Variants in LRRC4C observed in about 807,000 individuals in gnomAD.
LRRC4C encodes the protein leucine-rich repeat-containing protein 4C.
LRRC4C carries 5 observed loss-of-function variants against 33.6 expected under a neutral mutation model. The ratio of observed to expected loss-of-function variants is 0.15; its 90% CI spans 0.08 to 0.31. The LOEUF is 0.31. Ranked by LOEUF, LRRC4C falls within the 10% of genes least tolerant of loss-of-function variation. The pLI is 1.00. For synonymous variants in LRRC4C, 329 were observed against 302.0 expected, an observed-to-expected ratio of 1.09 and a Z score of -0.93; for missense variants, 560 against 796.7, an observed-to-expected ratio of 0.70 and a Z score of 3.58.
At chr11:41,217,611 T>G (rs1348650422) in intron 1 of LRRC4C, among the ~76,000 whole-genome samples, 1 of 152,160 alleles carries the variant, frequency 6.6e-6, no homozygotes, top group African/African-American at 2.4e-5. Context: ...GTACTATGAC[T>G]TAGCTATAAG....
intron 5 of LRRC4C, among the ~76,000 whole-genome samples, chr11:40,178,761 C>T (rs540624284): frequency 2.0e-5 from 3 of 152,262 alleles, no homozygotes; most frequent in Admixed American, 6.5e-5. Context: ...CTGGTTTCCT[C>T]GCTGTGGGGT....
intron 3 of LRRC4C, among the ~76,000 whole-genome samples, chr11:40,427,091 G>T (rs1310172337): frequency 6.6e-6 from 1 of 152,176 alleles, no homozygotes; most frequent in Non-Finnish European, 1.5e-5. Context: ...ATACAGAAGA[G>T]ACAGGAAAAA....
At chr11:41,336,597 C>T (rs1398766450) in intron 1 of LRRC4C, among the ~76,000 whole-genome samples, 1 of 152,186 alleles carries the variant, frequency 6.6e-6, no homozygotes, top group East Asian at 1.9e-4. Flanking sequence ...TTTTCATTCA[C>T]CCTTCCTACT....
chr11:40,707,812 A>G (rs1946245796), intron 2 of LRRC4C, among the ~76,000 whole-genome samples: 1 of 152,216 alleles, frequency 6.6e-6, no homozygotes, highest in Non-Finnish European at 1.5e-5. Context: ...TACCTCTGGT[A>G]TAATTCGGCT....
At chr11:40,454,172 GTTT>G (rs35415208) in intron 3 of LRRC4C, among the ~76,000 whole-genome samples, 30 of 138,408 alleles carry the variant, frequency 2.2e-4, no homozygotes, top group African/African-American at 7.3e-4. Flanking sequence ...CTTGATTAAA[GTTT>G]TTTTTTTTTT....
chr11:40,579,695 A>G (rs1279451910), intron 3 of LRRC4C, among the ~76,000 whole-genome samples: 1 of 152,140 alleles, frequency 6.6e-6, no homozygotes, highest in Non-Finnish European at 1.5e-5. Context: ...CTGGCTCTCC[A>G]AGCCAAAAAG....
chr11:41,217,240 G>T (rs1010061721), intron 1 of LRRC4C, among the ~76,000 whole-genome samples: 8 of 152,088 alleles, frequency 5.3e-5, no homozygotes, highest in African/African-American at 1.9e-4. Flanking sequence ...ACTTAAAATG[G>T]AACACTTGAA....
intron 2 of LRRC4C, among the ~76,000 whole-genome samples, chr11:40,859,252 G>A (rs1289155538): frequency 6.6e-6 from 1 of 152,072 alleles, no homozygotes; most frequent in African/African-American, 2.4e-5. Flanking sequence ...CTACCACTGA[G>A]TAACTCAGAA....
chr11:40,115,996 C>T lies in LRRC4C; in HGVS notation c.297G>A (p.Leu99=), dbSNP rs1307713082. Residue 99 remains leucine (L), a synonymous_variant, in exon 7 of 7, where the codon TTG becomes TTA. Transcript: ENST00000528697. This position sits in a 1 kb window ranked among gnomAD's most constrained non-coding sequence, Gnocchi z 6.7. ...QIIKVNSFKH[L]RHLEILQLSR... ...TCAACTGTAGGATTTCCAAGTGTCT[C>T]AAGTGCTTGAAGCTGTTCACTTTGA... 1 of 1,614,088 alleles carries T rather than the reference C, an allele frequency of 6.2e-7. No individual in the cohort carries two copies. Among genetic ancestry groups the T allele is most frequent in the Non-Finnish European group, 8.5e-7 (1 of 1,180,014 alleles).
intron 3 of LRRC4C, among the ~76,000 whole-genome samples, chr11:40,647,746 G>A (rs902114177): frequency 1.3e-5 from 2 of 152,280 alleles, no homozygotes; most frequent in East Asian, 1.9e-4. Flanking sequence ...AAGAAAAGGA[G>A]CTGGGGCATC....
At chr11:40,904,227 A>G (rs1224706995) in intron 2 of LRRC4C, among the ~76,000 whole-genome samples, 1 of 152,194 alleles carries the variant, frequency 6.6e-6, no homozygotes, top group Non-Finnish European at 1.5e-5. Context: ...GAAAGCTACC[A>G]TAGCTTCTTT....
intron 2 of LRRC4C, among the ~76,000 whole-genome samples, chr11:40,837,503 G>A (rs540394652): frequency 2.0e-4 from 30 of 151,712 alleles, no homozygotes; most frequent in African/African-American, 2.7e-4. Context: ...CAAATAAACC[G>A]GCATATTGTG....
At chr11:41,201,365 G>T (rs967919588) in intron 1 of LRRC4C, among the ~76,000 whole-genome samples, 2 of 152,150 alleles carry the variant, frequency 1.3e-5, no homozygotes, top group African/African-American at 4.8e-5. Flanking sequence ...GACACCTAGT[G>T]GCGGCTCTAG....
intron 3 of LRRC4C, among the ~76,000 whole-genome samples, chr11:40,408,518 TATC>T (rs1434491316): frequency 6.6e-6 from 1 of 151,848 alleles, no homozygotes; most frequent in South Asian, 2.1e-4. Context: ...AAACTGGAAA[TATC>T]ATAATTATTA....
chr11:41,229,540 T>C (rs1225787101), intron 1 of LRRC4C, among the ~76,000 whole-genome samples: 1 of 152,144 alleles, frequency 6.6e-6, no homozygotes, highest in South Asian at 2.1e-4. Context: ...TAGGTTTTTA[T>C]TAATTTCTCA....
chr11:40,766,045 A>G lies in LRRC4C; in HGVS notation c.-406-117767T>C, dbSNP rs570805028. 1.3e-4 allele frequency among the ~76,000 whole-genome samples: 20 copies of G among 150,094 alleles called. 1 individual carries two copies. In the South Asian group the frequency reaches 4.2e-3, roughly 32 times the overall value. ...CAAATCATTTAATAATCAAACTCCCAAAGGTCAAAAATAAAGAAAAGATCC... is the reference window on the plus strand; with the variant it reads ...CAAATCATTTAATAATCAAACTCCCGAAGGTCAAAAATAAAGAAAAGATCC... On this transcript the variant is annotated intron_variant, in intron 2 of 6. Transcript: ENST00000528697.
intron 1 of LRRC4C, among the ~76,000 whole-genome samples, chr11:41,064,320 C>T (rs989700684): frequency 1.3e-5 from 2 of 152,180 alleles, no homozygotes; most frequent in Non-Finnish European, 2.9e-5. Flanking sequence ...CCTTATTAAG[C>T]ATTCTCTGCA....
chr11:40,657,116 C>T (rs529963421), intron 2 of LRRC4C, among the ~76,000 whole-genome samples: 16 of 152,170 alleles, frequency 1.1e-4, no homozygotes, highest in East Asian at 1.9e-4. Flanking sequence ...AGATCTGCCG[C>T]GAATGAATCA....
chr11:41,087,783 A>G (rs1246864865), intron 1 of LRRC4C, among the ~76,000 whole-genome samples: 1 of 152,196 alleles, frequency 6.6e-6, no homozygotes, highest in Non-Finnish European at 1.5e-5. Flanking sequence ...TCTGCAAAAC[A>G]AGAACATAAT....
Sources: allele counts gnomAD v4.1 joint callset (sites outside exome capture counted in the v4.1 genomes callset), GRCh38; gene constraint gnomAD v4.1.1; non-coding constraint Gnocchi (gnomAD v3.1); transcripts MANE v1.5; gene names NCBI Gene and HGNC (gene_info 2026-07-23, HGNC 2026-07-21).